Variants in CLXN observed in about 807,000 individuals in gnomAD.
The protein encoded by CLXN is calaxin.
chr8:48,719,046 T>A, the CLXN span, among the ~76,000 whole-genome samples: 1 of 149,902 alleles, frequency 6.7e-6, no homozygotes, highest in Non-Finnish European at 1.5e-5. Flanking sequence ...AAACACCCGG[T>A]CAGACTAAGA....
At chr8:48,717,915 A>C in the CLXN span, among the ~76,000 whole-genome samples, 5 of 152,328 alleles carry the variant, frequency 3.3e-5, no homozygotes, top group East Asian at 7.7e-4. Context: ...ACAAAACATC[A>C]TCAAATCAAA....
the CLXN span, among the ~76,000 whole-genome samples, chr8:48,718,473 C>T: frequency 6.6e-6 from 1 of 152,040 alleles, no homozygotes; most frequent in African/African-American, 2.4e-5. Context: ...AAAGACCTAA[C>T]AGACATGTAC....
the CLXN span, among the ~76,000 whole-genome samples, chr8:48,731,747 A>C: frequency 6.6e-6 from 1 of 152,190 alleles, no homozygotes; most frequent in Admixed American, 6.5e-5. Context: ...CCAAGTTACT[A>C]GAATAATGAT....
At chr8:48,719,944 C>A in the CLXN span, among the ~76,000 whole-genome samples, 1 of 152,106 alleles carries the variant, frequency 6.6e-6, no homozygotes, top group African/African-American at 2.4e-5. Context: ...AGCATTGTTG[C>A]GGGAAGTCAG....
the CLXN span, chr8:48,735,142 T>G: frequency 1.2e-6 from 2 of 1,614,070 alleles, no homozygotes; most frequent in African/African-American, 1.3e-5. Flanking sequence ...TGCAGTTTCT[T>G]GCGGTTCATG....
At chr8:48,713,199 A>G in the CLXN span, among the ~76,000 whole-genome samples, 1 of 152,132 alleles carries the variant, frequency 6.6e-6, no homozygotes, top group African/African-American at 2.4e-5. Context: ...ATGCAGATCT[A>G]TTACTTCTGC....
At chr8:48,724,159 A>G in the CLXN span, 3 of 152,202 alleles carry the variant, frequency 2.0e-5, no homozygotes, top group Non-Finnish European at 4.4e-5. Flanking sequence ...AGGTGCTTAC[A>G]ATCAGTAACG....
the CLXN span, chr8:48,729,025 G>A: frequency 1.3e-6 from 2 of 1,581,184 alleles, no homozygotes; most frequent in Non-Finnish European, 1.7e-6. Flanking sequence ...ACCGTTCAGG[G>A]AAAGTCATAT....
chr8:48,725,494 G>A, the CLXN span, among the ~76,000 whole-genome samples: 3 of 152,144 alleles, frequency 2.0e-5, no homozygotes, highest in Non-Finnish European at 4.4e-5. Flanking sequence ...AGATGGGACA[G>A]TTTTGAATCT....
chr8:48,721,668 T>C, the CLXN span, among the ~76,000 whole-genome samples: 2 of 152,246 alleles, frequency 1.3e-5, no homozygotes, highest in African/African-American at 4.8e-5. Flanking sequence ...TCAACTGATC[T>C]TCCACAAAGG....
At chr8:48,730,917 A>G in the CLXN span, among the ~76,000 whole-genome samples, 6 of 152,152 alleles carry the variant, frequency 3.9e-5, no homozygotes, top group Non-Finnish European at 8.8e-5. Context: ...GTTGCTATAA[A>G]ATATGTTGGT....
At chr8:48,731,520 G>T in the CLXN span, 6 of 1,570,648 alleles carry the variant, frequency 3.8e-6, no homozygotes, top group Non-Finnish European at 5.2e-6. Flanking sequence ...TAATAAAATA[G>T]ATATAACAAA....
chr8:48,730,002 G>T, the CLXN span: 1 of 736,336 alleles, frequency 1.4e-6, no homozygotes, highest in African/African-American at 1.8e-5. Flanking sequence ...GATTTGCATT[G>T]TAAGTGTCAA....
the CLXN span, chr8:48,730,064 A>G: frequency 2.2e-6 from 1 of 459,288 alleles, no homozygotes; most frequent in Non-Finnish European, 3.7e-6. Context: ...CTGATTCTCA[A>G]TTATGAAAAA....
At chr8:48,726,802 T>TCATCCATC in the CLXN span, among the ~76,000 whole-genome samples, 1 of 126,716 alleles carries the variant, frequency 7.9e-6, no homozygotes, top group African/African-American at 3.0e-5. Context: ...ACCCAGTTCA[T>TCATCCATC]CATCCATCCA....
the CLXN span, among the ~76,000 whole-genome samples, chr8:48,723,101 A>G: frequency 4.3e-4 from 65 of 152,342 alleles, no homozygotes; most frequent in Non-Finnish European, 8.5e-4. Context: ...ACTATAGTTA[A>G]CAGTATTATA....
At chr8:48,721,197 AAC>A in the CLXN span, among the ~76,000 whole-genome samples, 1 of 152,200 alleles carries the variant, frequency 6.6e-6, no homozygotes, top group Non-Finnish European at 1.5e-5. Context: ...ATTAATAAAA[AAC>A]TCATTCCTAA....
the CLXN span, among the ~76,000 whole-genome samples, chr8:48,732,273 T>C: frequency 6.6e-6 from 1 of 152,154 alleles, no homozygotes; most frequent in Non-Finnish European, 1.5e-5. Flanking sequence ...ATACCAAGTA[T>C]GGGCGGAAGT....
At chr8:48,723,284 C>G in the CLXN span, 1 of 152,032 alleles carries the variant, frequency 6.6e-6, no homozygotes, top group Admixed American at 6.6e-5. Flanking sequence ...TATCAATTTT[C>G]CCTCAATAAA....
Sources: gnomAD v4.1 joint callset for allele counts (sites outside exome capture counted in the v4.1 genomes callset) on GRCh38, gnomAD v4.1.1 for gene constraint, MANE v1.5 for transcripts, NCBI Gene and HGNC (gene_info 2026-07-23, HGNC 2026-07-21) for gene names.